The following MACROD2 variants were observed in gnomAD, a reference collection of about 807,000 sequenced individuals.
The protein encoded by MACROD2 is mono-ADP ribosylhydrolase 2.
In MACROD2, 36 loss-of-function variants were observed where a neutral mutation model predicts 70.4. That is an observed-to-expected ratio of 0.51 (90% CI 0.39 to 0.68). MACROD2 has a LOEUF of 0.68. MACROD2 is among the 30% of genes least tolerant of loss of function. MACROD2 has a pLI of 0.00. For synonymous variants in MACROD2, 172 were observed against 178.8 expected, an observed-to-expected ratio of 0.96 and a Z score of 0.30; for missense variants, 496 against 538.4, an observed-to-expected ratio of 0.92 and a Z score of 0.78.
At chr20:14,602,085 G>T (rs550701734) in intron 4 of MACROD2, among the ~76,000 whole-genome samples, 1 of 152,060 alleles carries the variant, frequency 6.6e-6, no homozygotes. Flanking sequence ...CCTGTCTCAC[G>T]ACCAGGAAAA....
intron 6 of MACROD2, among the ~76,000 whole-genome samples, chr20:15,304,463 G>A (rs1045463749): frequency 1.3e-5 from 2 of 152,250 alleles, no homozygotes; most frequent in South Asian, 2.1e-4. Flanking sequence ...ATTCCTGGAC[G>A]GTATATGGAT....
chr20:14,353,766 G>C (rs1236145767), intron 3 of MACROD2, among the ~76,000 whole-genome samples: 1 of 151,976 alleles, frequency 6.6e-6, no homozygotes, highest in Non-Finnish European at 1.5e-5. Flanking sequence ...ACTTTCTTTA[G>C]AAATTTGTGT....
At chr20:14,765,378 A>G (rs996302095) in intron 5 of MACROD2, among the ~76,000 whole-genome samples, 1 of 150,738 alleles carries the variant, frequency 6.6e-6, no homozygotes, top group Non-Finnish European at 1.5e-5. Flanking sequence ...TATTCCTGCC[A>G]TTTTTTTTTT....
intron 6 of MACROD2, among the ~76,000 whole-genome samples, chr20:15,280,341 G>A (rs1388066947): frequency 1.3e-5 from 2 of 152,004 alleles, no homozygotes; most frequent in African/African-American, 4.8e-5. Flanking sequence ...ATAATTAAAA[G>A]ATTAAATGTT....
chr20:14,178,155 A>G (rs917219013), intron 3 of MACROD2, among the ~76,000 whole-genome samples: 2 of 152,166 alleles, frequency 1.3e-5, no homozygotes, highest in Admixed American at 6.5e-5. Flanking sequence ...CCTAATACAT[A>G]AAAAACTCTT....
intron 5 of MACROD2, among the ~76,000 whole-genome samples, chr20:14,936,361 T>C (rs1272477163): frequency 6.6e-6 from 1 of 152,190 alleles, no homozygotes; most frequent in East Asian, 1.9e-4. Flanking sequence ...CTTGTCCTTA[T>C]TGATTGTGTG....
intron 15 of MACROD2, among the ~76,000 whole-genome samples, chr20:15,992,734 G>T (rs767880): frequency 0.52 from 79,032 of 152,012 alleles, 21,343 homozygotes; most frequent in South Asian, 0.67. Context: ...TGTCCTTCTG[G>T]TCTTGCCCTG....
chr20:14,459,166 T>G (rs902932406), intron 3 of MACROD2, among the ~76,000 whole-genome samples: 1 of 143,632 alleles, frequency 7.0e-6, no homozygotes, highest in Non-Finnish European at 1.5e-5. Flanking sequence ...CCATTTCCTT[T>G]AGATGTTTCT....
chr20:15,102,641 T>C (rs888455073), intron 5 of MACROD2, among the ~76,000 whole-genome samples: 7 of 152,116 alleles, frequency 4.6e-5, no homozygotes, highest in African/African-American at 1.7e-4. Context: ...TGTATGTGTG[T>C]GCATGTGAAC....
chr20:14,258,004 A>C (rs2122299591), intron 3 of MACROD2, among the ~76,000 whole-genome samples: 1 of 152,232 alleles, frequency 6.6e-6, no homozygotes, highest in East Asian at 1.9e-4. Flanking sequence ...TCCATTTTTG[A>C]GTTGCTGCAC....
intron 4 of MACROD2, among the ~76,000 whole-genome samples, chr20:14,657,666 A>G (rs1268946956): frequency 6.6e-6 from 1 of 152,244 alleles, no homozygotes; most frequent in African/African-American, 2.4e-5. Flanking sequence ...CTTAAACCTG[A>G]AATACATTAA....
At chr20:14,219,682 G>A (rs139184506) in intron 3 of MACROD2, among the ~76,000 whole-genome samples, 27 of 152,326 alleles carry the variant, frequency 1.8e-4, no homozygotes, top group Admixed American at 2.6e-4. Context: ...GTCTAGGGCC[G>A]AAGGCTGTTG....
intron 8 of MACROD2, among the ~76,000 whole-genome samples, chr20:15,843,821 G>A (rs1391620238): frequency 2.0e-5 from 3 of 152,134 alleles, no homozygotes; most frequent in Non-Finnish European, 2.9e-5. Context: ...ATTAACATCT[G>A]CAATTTGCAT....
At chr20:14,530,350 A>G (rs970992185) in intron 4 of MACROD2, among the ~76,000 whole-genome samples, 2 of 152,188 alleles carry the variant, frequency 1.3e-5, no homozygotes, top group Non-Finnish European at 2.9e-5. Flanking sequence ...AACACAAAAT[A>G]AAGAGCAGAA....
chr20:15,321,874 C>G (rs1359111843), intron 6 of MACROD2, among the ~76,000 whole-genome samples: 1 of 143,788 alleles, frequency 7.0e-6, no homozygotes, highest in Non-Finnish European at 1.6e-5. Context: ...CTCACTGCAA[C>G]CTCTGCCTCC....
chr20:14,481,544 T>G (rs1001522080), intron 3 of MACROD2, among the ~76,000 whole-genome samples: 3 of 152,330 alleles, frequency 2.0e-5, no homozygotes, highest in Middle Eastern at 6.8e-3. Context: ...TCTGGTAACT[T>G]TGGTTTAAAA....
chr20:14,717,695 G>A (rs1236720329), intron 5 of MACROD2, among the ~76,000 whole-genome samples: 1 of 152,054 alleles, frequency 6.6e-6, no homozygotes, highest in Non-Finnish European at 1.5e-5. Context: ...TTGGGGAGGT[G>A]GGGAAGAATT....
intron 5 of MACROD2, among the ~76,000 whole-genome samples, chr20:15,131,058 C>G (rs2076101054): frequency 1.3e-5 from 2 of 152,160 alleles, no homozygotes; most frequent in South Asian, 2.1e-4. Context: ...AAGCAGAACT[C>G]AAATTGTAGT....
intron 2 of MACROD2, among the ~76,000 whole-genome samples, chr20:14,042,454 AG>A (rs1284666322): frequency 1.3e-5 from 2 of 152,170 alleles, no homozygotes; most frequent in African/African-American, 4.8e-5. Context: ...CCCACCAGTG[AG>A]TGAGCAGTCA....
Sources: allele counts gnomAD v4.1 joint callset (sites outside exome capture counted in the v4.1 genomes callset), GRCh38; gene constraint gnomAD v4.1.1; transcripts MANE v1.5; gene names NCBI Gene and HGNC (gene_info 2026-07-23, HGNC 2026-07-21).